The following ATP2B1 variants were observed in gnomAD, a reference collection of about 807,000 sequenced individuals.
ATP2B1 encodes ATPase plasma membrane Ca2+ transporting 1, also known as plasma membrane calcium-transporting ATPase 1.
A neutral mutation model predicts 124.2 loss-of-function variants in ATP2B1; 14 were observed. The observed-to-expected ratio is 0.11, with a 90% CI of 0.07 to 0.18. The LOEUF is 0.18. Ranked by LOEUF, ATP2B1 falls within the 10% of genes least tolerant of loss-of-function variation. The pLI is 1.00. For synonymous variants in ATP2B1, 449 were observed against 492.4 expected (o/e 0.91, Z 1.17); for missense variants, 763 against 1,466.1 (o/e 0.52, Z 7.83).
chr12:89,700,387 T>C (rs1891698674), intron 1 of ATP2B1, among the ~76,000 whole-genome samples: 1 of 152,156 alleles, frequency 6.6e-6, no homozygotes. Context: ...TGGTATTAGT[T>C]GTCAGGAGTG....
intron 5 of ATP2B1, among the ~76,000 whole-genome samples, chr12:89,631,005 C>T (rs1468984871): frequency 6.6e-6 from 1 of 151,932 alleles, no homozygotes; most frequent in Non-Finnish European, 1.5e-5. Context: ...CTCCTGGGCT[C>T]AAGCAATCCT....
intron 2 of ATP2B1, among the ~76,000 whole-genome samples, chr12:89,652,707 T>C (rs963034536): frequency 6.6e-6 from 1 of 152,124 alleles, no homozygotes; most frequent in Non-Finnish European, 1.5e-5. Flanking sequence ...GAATATTCCT[T>C]TGGAAATAAC....
intron 3 of ATP2B1, 95 bp downstream of exon 3, chr12:89,642,063 T>A (rs991966433): frequency 4.8e-6 from 6 of 1,244,216 alleles, no homozygotes; most frequent in Non-Finnish European, 6.8e-6. Context: ...ATAGCAAACA[T>A]CAATAAATGC....
At chr12:89,658,768 T>C (rs1244676643) in intron 1 of ATP2B1, among the ~76,000 whole-genome samples, 1 of 152,092 alleles carries the variant, frequency 6.6e-6, no homozygotes, top group Non-Finnish European at 1.5e-5. Flanking sequence ...CCTTCAGGGG[T>C]TGAGTTTTCT....
chr12:89,657,322 T>C (rs1367254094), intron 1 of ATP2B1, among the ~76,000 whole-genome samples: 1 of 152,220 alleles, frequency 6.6e-6, no homozygotes, highest in Non-Finnish European at 1.5e-5. Context: ...CTCATTCTAA[T>C]GTCTCACACA....
At chr12:89,592,366 T>C in intron 20 of ATP2B1, among the ~76,000 whole-genome samples, 1 of 152,090 alleles carries the variant, frequency 6.6e-6, no homozygotes, top group East Asian at 1.9e-4. Context: ...AATAACACTT[T>C]GACATTCTAG....
intron 9 of ATP2B1, 128 bp from the exon 10 acceptor site, chr12:89,621,919 GTACCAATGTAA>G: frequency 1.0e-6 from 1 of 1,001,792 alleles, no homozygotes; most frequent in African/African-American, 1.7e-5. Context: ...AATGTATAAA[GTACCAATGTAA>G]TACTGAAATT....
At chr12:89,594,291 T>C (rs1592692263) in intron 20 of ATP2B1, 1 of 152,004 alleles carries the variant, frequency 6.6e-6, no homozygotes, top group Admixed American at 6.6e-5. Context: ...ACTTTCTGTA[T>C]GTAAAATTCT....
chr12:89,655,800 A>G lies in ATP2B1; in HGVS notation c.87T>C (p.Ile29=). 6.2e-7 allele frequency: 1 copy of G among 1,614,188 alleles called. No homozygotes were observed. Among genetic ancestry groups the G allele is most frequent in the East Asian group, 2.2e-5 (1 of 44,890 alleles). The change falls in exon 2 of 21, where the codon ATT becomes ATC. Residue 29 remains isoleucine (I), a synonymous_variant. Transcript: ENST00000428670. ...KEANHDGDFG[I]TLAELRALME... Reference sequence around the variant, plus strand: ...TGAGAGCCCGCAGCTCTGCGAGCGTAATTCCAAAGTCTCCATCATGATTAG... The same window carrying G: ...TGAGAGCCCGCAGCTCTGCGAGCGTGATTCCAAAGTCTCCATCATGATTAG...
At chr12:89,682,181 G>A (rs186970412) in intron 1 of ATP2B1, among the ~76,000 whole-genome samples, 2 of 152,070 alleles carry the variant, frequency 1.3e-5, no homozygotes, top group Admixed American at 6.5e-5. Flanking sequence ...AACAAGAAAT[G>A]TTCAAAATCT....
chr12:89,694,103 G>A (rs760520065), intron 1 of ATP2B1, among the ~76,000 whole-genome samples: 36 of 152,074 alleles, frequency 2.4e-4, no homozygotes, highest in South Asian at 4.1e-4. Flanking sequence ...GATACATTTC[G>A]TCCTTTTATA....
At chr12:89,709,098 C>G (rs1892903502), upstream of ATP2B1, 1 of 150,850 alleles carries the variant, frequency 6.6e-6, no homozygotes. Flanking sequence ...GCGGGGCCCG[C>G]GGGCACCGGA....
At position 89,617,059 on chromosome 12, in the gene ATP2B1, C is replaced by G; in HGVS notation, c.1830-20G>C. 1 of 1,570,690 alleles carries G rather than the reference C, an allele frequency of 6.4e-7. No homozygotes were observed. The highest frequency in any genetic ancestry group is 8.8e-7 in the Non-Finnish European group (1 of 1,141,180). ...AAACACCTAAAAGGAAATGTTGAAT[C>G]CAAACATCAATAATTTAAAAAAATA... is the stretch of plus-strand genomic sequence containing the variant. On this transcript the variant is annotated intron_variant, in intron 11 of 20. Transcript: ENST00000428670.
At chr12:89,689,132 C>A (rs2037375) in intron 1 of ATP2B1, among the ~76,000 whole-genome samples, 136,246 of 152,042 alleles carry the variant, frequency 0.9, 61,706 homozygotes, top group East Asian at 0.99. Flanking sequence ...ACTCTTTTTA[C>A]AACTTACATA....
At chr12:89,634,950 T>C (rs1435380590) in intron 4 of ATP2B1, 47 bp from the exon 5 acceptor site, 1 of 1,610,270 alleles carries the variant, frequency 6.2e-7, no homozygotes, top group Non-Finnish European at 8.5e-7. Flanking sequence ...AAGATTACAG[T>C]AATTTTATGT....
intron 1 of ATP2B1, among the ~76,000 whole-genome samples, chr12:89,697,418 C>G (rs1234859294): frequency 1.3e-5 from 2 of 152,122 alleles, no homozygotes; most frequent in African/African-American, 2.4e-5. Context: ...CATAGACTGT[C>G]TTCACTAAAG....
intron 1 of ATP2B1, among the ~76,000 whole-genome samples, chr12:89,666,192 C>G (rs1887299962): frequency 6.6e-6 from 1 of 152,030 alleles, no homozygotes; most frequent in South Asian, 2.1e-4. Context: ...AAGAGGATAT[C>G]AGACAAGAAT....
chr12:89,643,158 A>ACACG (rs1481421458), intron 2 of ATP2B1, among the ~76,000 whole-genome samples: 6 of 150,244 alleles, frequency 4.0e-5, no homozygotes, highest in Non-Finnish European at 5.9e-5. Flanking sequence ...ATATGTATAT[A>ACACG]TGTATGTATG....
Position 89,603,341 on chromosome 12 carries a change from T to C in ATP2B1, c.2849-87A>G. 2 of 1,104,786 alleles carry C rather than the reference T, an allele frequency of 1.8e-6. No homozygotes were observed. The highest frequency in any genetic ancestry group is 2.5e-6 in the Non-Finnish European group (2 of 791,882). The allele number at this position is 1,104,786 out of a possible 1,614,324, so 68.4% of individuals were successfully genotyped here. A position where few individuals can be genotyped will look rare whatever the true frequency, so the allele number is the denominator to read the frequency against. Reference sequence around the variant, plus strand: ...TACAAATTACAACTTAGCTAGACCTTTTATTTGATCTGAAATGGCAGCATG... The same window carrying C: ...TACAAATTACAACTTAGCTAGACCTCTTATTTGATCTGAAATGGCAGCATG... On this transcript the variant is annotated intron_variant, in intron 17 of 20. Transcript: ENST00000428670. This position sits in a 1 kb window ranked among gnomAD's most constrained non-coding sequence, Gnocchi z 4.3.
Sources: gnomAD v4.1 joint callset for allele counts (sites outside exome capture counted in the v4.1 genomes callset) on GRCh38, gnomAD v4.1.1 for gene constraint, Gnocchi (gnomAD v3.1) non-coding constraint, MANE v1.5 for transcripts, NCBI Gene and HGNC (gene_info 2026-07-23, HGNC 2026-07-21) for gene names.